DYNC2H1: variants seen among roughly 807,000 people sequenced by gnomAD.
DYNC2H1 encodes the protein cytoplasmic dynein 2 heavy chain 1.
Under a neutral mutation model 570.0 loss-of-function variants are expected in DYNC2H1, and 410 were observed. That is an observed-to-expected ratio of 0.72 (90% CI 0.66 to 0.78). The LOEUF is 0.78. Among genes scored for constraint, DYNC2H1 ranks in the 30% least tolerant of loss-of-function variants. The pLI, the probability that DYNC2H1 is intolerant of heterozygous loss-of-function variation, is 0.00. For synonymous variants in DYNC2H1, 1,688 were observed against 1,677.6 expected (o/e 1.01, Z -0.15); for missense variants, 4,865 against 5,046.4 (o/e 0.96, Z 1.09).
chr11:103,194,218 T>C (rs1019447867), intron 47 of DYNC2H1, among the ~76,000 whole-genome samples: 2 of 152,220 alleles, frequency 1.3e-5, no homozygotes, highest in Non-Finnish European at 2.9e-5. Context: ...CCTGTTTCTC[T>C]GGAGATACAT....
At chr11:103,266,630 A>G (rs1427078923) in intron 70 of DYNC2H1, among the ~76,000 whole-genome samples, 3 of 152,178 alleles carry the variant, frequency 2.0e-5, no homozygotes, top group Non-Finnish European at 4.4e-5. Flanking sequence ...CTGGCTATGC[A>G]TACATGCACC....
rs898674222 is a variant in DYNC2H1 at position 103,158,987 on chromosome 11, C to T, written c.4338C>T (p.Asn1446=). The T allele has an allele frequency of 2.5e-6, 4 of 1,613,460 alleles. No individual in the cohort carries two copies. Among genetic ancestry groups the T allele is most frequent in the African/African-American group, 1.3e-5 (1 of 75,012 alleles). The stretch of plus-strand genomic sequence containing the variant: ...TAGAAATATTGGGCCAGTCTACCAA[C>T]CCATCAGTGATTCAGTCTCACCTGA... ...DLLEILGQST[N]PSVIQSHLKK... Residue 1446 remains asparagine, a synonymous_variant, in exon 28 of 89, where the codon AAC becomes AAT. Coordinates refer to ENST00000375735, the MANE Select transcript of DYNC2H1 (RefSeq NM_001377.3).
In DYNC2H1 at chr11:103,133,431, A is replaced by C; in HGVS notation, c.1954-124A>C. The C allele has an allele frequency of 1.2e-6, 1 of 847,580 alleles. No homozygotes were observed. Among genetic ancestry groups the C allele is most frequent in the South Asian group, 2.1e-5 (1 of 46,860 alleles). 52.5% of individuals were successfully genotyped at this position (847,580 alleles called of 1,614,324 possible). On this transcript the variant is annotated intron_variant, in intron 13 of 88. Coordinates refer to ENST00000375735, the MANE Select transcript of DYNC2H1 (RefSeq NM_001377.3). The surrounding 1 kb of genome is among the most constrained non-coding windows in gnomAD (Gnocchi z 4.8). Reference sequence around the variant, plus strand: ...TGCCTTATCATTTATAAAATGGAAAATTATTATGTGCTTTCTTTGTTGCAG... The same window carrying C: ...TGCCTTATCATTTATAAAATGGAAACTTATTATGTGCTTTCTTTGTTGCAG...
chr11:103,256,144 G>T lies in DYNC2H1; in HGVS notation c.10365G>T (p.Lys3455Asn). Reference sequence around the variant, plus strand: ...CTCAAGGCAATATTTTGGAAAATAAGGATTTGATTGAGTCTTTGAATCAGA... The same window carrying T: ...CTCAAGGCAATATTTTGGAAAATAATGATTTGATTGAGTCTTTGAATCAGA... ...ATSQGNILEN[K>N]DLIESLNQTK... Residue 3455 changes from lysine (K) to asparagine (N), a missense_variant, in exon 68 of 89, where the codon AAG becomes AAT. Lys to Asn is a moderately conservative substitution (Grantham distance 94). Transcript: ENST00000375735. This position sits in a 1 kb window ranked among gnomAD's most constrained non-coding sequence, Gnocchi z 4.0. 2 of 1,608,008 alleles carry T rather than the reference G, an allele frequency of 1.2e-6. No homozygotes were observed. Among genetic ancestry groups the T allele is most frequent in the Non-Finnish European group, 1.7e-6 (2 of 1,176,620 alleles).
At chr11:103,165,824 G>A in intron 30 of DYNC2H1, 74 bp from the exon 31 acceptor site, 1 of 1,240,950 alleles carries the variant, frequency 8.1e-7, no homozygotes, top group Non-Finnish European at 1.1e-6. Flanking sequence ...GAAAAAAGGT[G>A]CCTTTCTTTA....
chr11:103,388,409 A>C (rs1941984484), intron 83 of DYNC2H1, among the ~76,000 whole-genome samples: 1 of 152,220 alleles, frequency 6.6e-6, no homozygotes, highest in Non-Finnish European at 1.5e-5. Flanking sequence ...CTGGGCTGAG[A>C]CAATGAGGTT....
intron 36 of DYNC2H1, among the ~76,000 whole-genome samples, chr11:103,174,955 G>A (rs551389025): frequency 7.2e-4 from 109 of 151,406 alleles, no homozygotes; most frequent in African/African-American, 2.6e-3. Context: ...GTGGGGTGGG[G>A]GGTAGTATCT....
At chr11:103,217,604 T>C (rs968041331) in intron 55 of DYNC2H1, among the ~76,000 whole-genome samples, 11 of 152,182 alleles carry the variant, frequency 7.2e-5, no homozygotes, top group African/African-American at 2.7e-4. Flanking sequence ...TGATGGATCT[T>C]AGTGTAGAAC....
At chr11:103,463,881 C>T (rs1444266903) in intron 87 of DYNC2H1, among the ~76,000 whole-genome samples, 1 of 152,184 alleles carries the variant, frequency 6.6e-6, no homozygotes, top group Non-Finnish European at 1.5e-5. Context: ...CTGAATCTCA[C>T]TACCTATCCA....
intron 83 of DYNC2H1, among the ~76,000 whole-genome samples, chr11:103,392,386 G>A (rs1437284091): frequency 3.9e-5 from 6 of 152,218 alleles, no homozygotes. Context: ...GACTTTCCAG[G>A]TGCCATCTGT....
chr11:103,137,617 T>A (rs1474396964), intron 17 of DYNC2H1, among the ~76,000 whole-genome samples: 1 of 152,142 alleles, frequency 6.6e-6, no homozygotes, highest in African/African-American at 2.4e-5. Context: ...CCATGTTGTT[T>A]TGGTTACTGT....
chr11:103,429,574 G>A (rs139912225), intron 84 of DYNC2H1, among the ~76,000 whole-genome samples: 1 of 152,202 alleles, frequency 6.6e-6, no homozygotes, highest in Admixed American at 6.5e-5. Flanking sequence ...ATTACTCATT[G>A]TCTGTGTTGT....
At position 103,388,110 on chromosome 11, in the gene DYNC2H1, C is replaced by T. The variant is rs550822193; in HGVS notation, c.12157-11553C>T. On this transcript the variant is annotated intron_variant, in intron 83 of 88. Transcript: ENST00000375735. The stretch of plus-strand genomic sequence containing the variant: ...ACCTTGGGATGTATGGCCATTTTCA[C>T]GATAATGATTCTTCCTACCCATGAG... Among the ~76,000 whole-genome samples the T allele has an allele frequency of 3.3e-4, 50 of 152,250 alleles. No homozygotes were observed. In the East Asian group the frequency reaches 7.1e-3, roughly 22 times the overall value.
rs770681733 is a variant in DYNC2H1 at position 103,436,360 on chromosome 11, T to TG, written c.12456+332dup. Among the ~76,000 whole-genome samples, 8 of 152,036 alleles carry TG rather than the reference T, an allele frequency of 5.3e-5. No homozygotes were observed. In the South Asian group the frequency reaches 6.2e-4, roughly 12 times the overall value. On this transcript the variant is annotated intron_variant, in intron 85 of 88. Transcript: ENST00000375735. Reference sequence around the variant, plus strand: ...CTAGTTTGCCTTAGGGAGCTCCCTATGGGGAGCTGCTTTAAAAAAGTTTTC... The same window carrying TG: ...CTAGTTTGCCTTAGGGAGCTCCCTATGGGGGAGCTGCTTTAAAAAAGTTTTC...
At chr11:103,356,942 G>A (rs997355456) in intron 82 of DYNC2H1, among the ~76,000 whole-genome samples, 7 of 152,092 alleles carry the variant, frequency 4.6e-5, no homozygotes, top group African/African-American at 1.7e-4. Context: ...AAAAACAGAA[G>A]TAGTCAACAT....
At chr11:103,332,348 G>T (rs1938858412) in intron 82 of DYNC2H1, among the ~76,000 whole-genome samples, 1 of 148,984 alleles carries the variant, frequency 6.7e-6, no homozygotes, top group Admixed American at 6.7e-5. Flanking sequence ...AAGCATCCAG[G>T]AATTGGGAGA....
chr11:103,449,120 A>G (rs117371059), intron 85 of DYNC2H1, among the ~76,000 whole-genome samples: 1 of 152,322 alleles, frequency 6.6e-6, no homozygotes, highest in Non-Finnish European at 1.5e-5. Flanking sequence ...AGTTTCAGGC[A>G]GAGGGAACAG....
At chr11:103,287,706 G>A (rs1311172740) in intron 75 of DYNC2H1, 101 bp downstream of exon 75, 4 of 935,510 alleles carry the variant, frequency 4.3e-6, no homozygotes, top group Non-Finnish European at 4.7e-6. Flanking sequence ...ATGTTATAAT[G>A]TCTCTTTTAT....
intron 88 of DYNC2H1, chr11:103,474,021 C>CAG: frequency 5.6e-6 from 1 of 178,482 alleles, no homozygotes; most frequent in South Asian, 8.9e-5. Context: ...GTTCTGCCTT[C>CAG]TATACACTCT....
Sources: allele counts gnomAD v4.1 joint callset (sites outside exome capture counted in the v4.1 genomes callset), GRCh38; gene constraint gnomAD v4.1.1; non-coding constraint Gnocchi (gnomAD v3.1); transcripts MANE v1.5; gene names NCBI Gene and HGNC (gene_info 2026-07-23, HGNC 2026-07-21).